Variants in TFF3 observed in about 807,000 individuals in gnomAD.
The protein encoded by TFF3 is trefoil factor 3.
TFF3 carries 6 observed loss-of-function variants against 9.7 expected under a neutral mutation model. The observed-to-expected ratio is 0.62, with a 90% CI of 0.34 to 1.22. The LOEUF is 1.22. Ranked by LOEUF, TFF3 falls within the 50% of genes most tolerant of loss-of-function variation. TFF3 has a pLI of 0.04. For missense variants in TFF3, 93 were observed against 98.6 expected (o/e 0.94, Z 0.24); for synonymous variants, 48 against 41.4 (o/e 1.16, Z -0.61).
rs1474181258 is a variant in TFF3, at chr21:42,313,009, GGA to G, written c.229+474_229+475del. Among the ~76,000 whole-genome samples, 5 of 152,130 alleles carry G rather than the reference GGA, an allele frequency of 3.3e-5. No homozygotes were observed. On this transcript the variant is annotated intron_variant, in intron 2 of 2. Coordinates refer to ENST00000518498, the MANE Select transcript of TFF3 (RefSeq NM_003226.4). This position sits in a 1 kb window ranked among gnomAD's most constrained non-coding sequence, Gnocchi z 4.0. ...CTGCCCTCCACCACGGCAGAGAGAG[GGA>G]GAGGAGATGACCCTTGTGGGGGGCA...
At chr21:42,314,393 C>T (rs2069347593) in intron 1 of TFF3, among the ~76,000 whole-genome samples, 2 of 152,232 alleles carry the variant, frequency 1.3e-5, no homozygotes, top group South Asian at 2.1e-4. Context: ...GTGGCTTACA[C>T]CTGTAATTCC....
At position 42,313,081 on chromosome 21, in the gene TFF3, C is replaced by G. The variant is rs932586263; in HGVS notation, c.229+404G>C. Among the ~76,000 whole-genome samples the G allele has an allele frequency of 6.6e-6, 1 of 152,124 alleles. No homozygotes were observed. Among genetic ancestry groups the G allele is most frequent in the Non-Finnish European group, 1.5e-5 (1 of 68,006 alleles). The stretch of plus-strand genomic sequence containing the variant: ...TGGCACCGAGGCCTGACGTCTAGGG[C>G]TGGGACCGCCTGCCGTCTGTGTAGG... On this transcript the variant is annotated intron_variant, in intron 2 of 2. Coordinates refer to ENST00000518498, the MANE Select transcript of TFF3 (RefSeq NM_003226.4). The surrounding 1 kb of genome is among the most constrained non-coding windows in gnomAD (Gnocchi z 4.0).
In TFF3 at chr21:42,311,718, G is replaced by A. The variant is rs1205644842; in HGVS notation, c.*538C>T. 1.5e-5 allele frequency: 3 copies of A among 194,352 alleles called. No homozygotes were observed. In the East Asian group the frequency reaches 4.7e-4, roughly 30 times the overall value. 12.0% of individuals were successfully genotyped at this position (194,352 alleles called of 1,614,324 possible). Reference sequence around the variant, plus strand: ...TACAAAGAAACAAAACCCAGGAATAGTACAAGTATTGAACAGTAGCGAGAG... The same window carrying A: ...TACAAAGAAACAAAACCCAGGAATAATACAAGTATTGAACAGTAGCGAGAG... On this transcript the variant is annotated 3_prime_UTR_variant, in exon 3 of 3. Coordinates refer to ENST00000518498, the MANE Select transcript of TFF3 (RefSeq NM_003226.4).
chr21:42,312,199 GC>G lies in TFF3; in HGVS notation c.*56del. On this transcript the variant is annotated 3_prime_UTR_variant, in exon 3 of 3. Transcript: ENST00000518498. ...TGAACAGTGCCTGGCAGCAATCACAGCCGGGCAAGGGTGCTCCGAGCCTCGC... is the reference window on the plus strand; with the variant it reads ...TGAACAGTGCCTGGCAGCAATCACAGCGGGCAAGGGTGCTCCGAGCCTCGC... 2 of 1,612,988 alleles carry G rather than the reference GC, an allele frequency of 1.2e-6. No individual in the cohort carries two copies. The highest frequency in any genetic ancestry group is 1.7e-6 in the Non-Finnish European group (2 of 1,179,116).
At chr21:42,312,381 A>G in intron 2 of TFF3, 112 bp from the exon 3 acceptor site, 1 of 1,309,632 alleles carries the variant, frequency 7.6e-7, no homozygotes. Flanking sequence ...TCCTCCCCAG[A>G]GTCACCGGGG....
At position 42,313,544 on chromosome 21, in the gene TFF3, C is replaced by G; in HGVS notation, c.170G>C (p.Cys57Ser). The change falls in exon 2 of 3, where the codon TGC becomes TCC. Residue 57 changes from cysteine (C) to serine (S), a missense_variant. Cys to Ser is a moderately radical substitution (Grantham distance 112). Coordinates refer to ENST00000518498, the MANE Select transcript of TFF3 (RefSeq NM_003226.4). This position sits in a 1 kb window ranked among gnomAD's most constrained non-coding sequence, Gnocchi z 4.0. The part of the protein sequence containing the change: ...VTPKECNNRG[C>S]CFDSRIPGVP... Reference sequence around the variant, plus strand: ...TCCAGGGATCCTGGAGTCAAAGCAGCAGCCCCGGTTGTTGCACTCCTTGGG... The same window carrying G: ...TCCAGGGATCCTGGAGTCAAAGCAGGAGCCCCGGTTGTTGCACTCCTTGGG... The G allele has an allele frequency of 6.2e-7, 1 of 1,610,904 alleles. No homozygotes were observed.
At position 42,313,344 on chromosome 21, in the gene TFF3, T is replaced by C; in HGVS notation, c.229+141A>G. 3 of 1,011,454 alleles carry C rather than the reference T, an allele frequency of 3.0e-6. No individual in the cohort carries two copies. The highest frequency in any genetic ancestry group is 4.2e-6 in the Non-Finnish European group (3 of 713,956). The allele number at this position is 1,011,454 out of a possible 1,614,324, so 62.7% of individuals were successfully genotyped here. On this transcript the variant is annotated intron_variant, in intron 2 of 2. Transcript: ENST00000518498. This position sits in a 1 kb window ranked among gnomAD's most constrained non-coding sequence, Gnocchi z 4.0. ...GCTGCCCTAAGTGTGAAGCCTCTGCTCTGAGGCCTTGGAACAGGTGTGTGT... is the reference window on the plus strand; with the variant it reads ...GCTGCCCTAAGTGTGAAGCCTCTGCCCTGAGGCCTTGGAACAGGTGTGTGT...
In TFF3 at chr21:42,313,485, C is replaced by A. The variant is rs758987563; in HGVS notation, c.229G>T (p.Glu77Ter). 1.2e-6 allele frequency: 2 copies of A among 1,607,326 alleles called. No homozygotes were observed. Among genetic ancestry groups the A allele is most frequent in the Non-Finnish European group, 1.7e-6 (2 of 1,177,686 alleles). Residue 77 changes from glutamate to a stop codon, truncating the protein, a stop_gained and splice_region_variant, in exon 2 of 3, where the codon GAA (glutamate) becomes TAA (stop). Coordinates refer to ENST00000518498, the MANE Select transcript of TFF3 (RefSeq NM_003226.4). LOFTEE classifies it high-confidence loss of function. This position sits in a 1 kb window ranked among gnomAD's most constrained non-coding sequence, Gnocchi z 4.0. ...PWCFKPLQEAECTF is the reference protein window; with the variant it reads ...PWCFKPLQEA ...GACCACGATGCCACTGGGGCCTTAC[C>A]TGCTTCCTGCAGGGGCTTGAAACAC...
intron 1 of TFF3, among the ~76,000 whole-genome samples, chr21:42,314,419 C>A (rs1034318618): frequency 6.6e-6 from 1 of 152,074 alleles, no homozygotes; most frequent in Admixed American, 6.6e-5. Flanking sequence ...TTTGGGAGGC[C>A]AAGGCAGGAG....
rs1242715136 is a variant in TFF3, at chr21:42,313,241, T to A, written c.229+244A>T. The stretch of plus-strand genomic sequence containing the variant: ...AATCAGTTCCCTCTATGCGATGCCA[T>A]CATTTTGAACACCTTTTTGAAACAA... On this transcript the variant is annotated intron_variant, in intron 2 of 2. Transcript: ENST00000518498. This position sits in a 1 kb window ranked among gnomAD's most constrained non-coding sequence, Gnocchi z 4.0. 6.6e-6 allele frequency among the ~76,000 whole-genome samples: 1 copy of A among 152,186 alleles called. No homozygotes were observed. Among genetic ancestry groups the A allele is most frequent in the Non-Finnish European group, 1.5e-5 (1 of 68,024 alleles).
At position 42,313,331 on chromosome 21, in the gene TFF3, G is replaced by A. The variant is rs573664652; in HGVS notation, c.229+154C>T. ...GCCCCTGGCCATGGCTGCCCTAAGTGTGAAGCCTCTGCTCTGAGGCCTTGG... is the reference window on the plus strand; with the variant it reads ...GCCCCTGGCCATGGCTGCCCTAAGTATGAAGCCTCTGCTCTGAGGCCTTGG... On this transcript the variant is annotated intron_variant, in intron 2 of 2. Transcript: ENST00000518498. This position sits in a 1 kb window ranked among gnomAD's most constrained non-coding sequence, Gnocchi z 4.0. Among the ~76,000 whole-genome samples, 2 of 152,316 alleles carry A rather than the reference G, an allele frequency of 1.3e-5. No individual in the cohort carries two copies. Among genetic ancestry groups the A allele is most frequent in the Admixed American group, 6.5e-5 (1 of 15,306 alleles).
chr21:42,313,348 A>T lies in TFF3; in HGVS notation c.229+137T>A. On this transcript the variant is annotated intron_variant, in intron 2 of 2. Coordinates refer to ENST00000518498, the MANE Select transcript of TFF3 (RefSeq NM_003226.4). This position sits in a 1 kb window ranked among gnomAD's most constrained non-coding sequence, Gnocchi z 4.0. ...CCCTAAGTGTGAAGCCTCTGCTCTGAGGCCTTGGAACAGGTGTGTGTGTGT... is the reference window on the plus strand; with the variant it reads ...CCCTAAGTGTGAAGCCTCTGCTCTGTGGCCTTGGAACAGGTGTGTGTGTGT... 1 of 1,044,172 alleles carries T rather than the reference A, an allele frequency of 9.6e-7. No homozygotes were observed. Among genetic ancestry groups the T allele is most frequent in the Non-Finnish European group, 1.3e-6 (1 of 742,586 alleles). 64.7% of individuals were successfully genotyped at this position (1,044,172 alleles called of 1,614,324 possible). A position where few individuals can be genotyped will look rare whatever the true frequency, so the allele number is the denominator to read the frequency against.
intron 1 of TFF3, 24 bp downstream of exon 1, chr21:42,315,269 C>A (rs1180999982): frequency 1.2e-6 from 2 of 1,600,484 alleles, no homozygotes; most frequent in African/African-American, 2.7e-5. Flanking sequence ...ACCCTGCCAC[C>A]GGGGCAGTCA....
At position 42,313,569 on chromosome 21, in the gene TFF3, G is replaced by C; in HGVS notation, c.145C>G (p.Pro49Ala). The C allele has an allele frequency of 2.5e-6, 4 of 1,611,290 alleles. No homozygotes were observed. The highest frequency in any genetic ancestry group is 3.4e-6 in the Non-Finnish European group (4 of 1,179,610). The change falls in exon 2 of 3, where the codon CCC becomes GCC. Residue 49 changes from proline (P) to alanine (A), a missense_variant. By Grantham distance (27) the Pro-to-Ala change is conservative. Coordinates refer to ENST00000518498, the MANE Select transcript of TFF3 (RefSeq NM_003226.4). This position sits in a 1 kb window ranked among gnomAD's most constrained non-coding sequence, Gnocchi z 4.0. ...CAGCCCCGGTTGTTGCACTCCTTGG[G>C]GGTGACATGGGGGTAGCCGCAGTCC... ...RVDCGYPHVT[P>A]KECNNRGCCF... is the part of the protein sequence containing the mutation.
In TFF3 at chr21:42,312,216, C is replaced by G. The variant is rs369914568; in HGVS notation, c.*40G>C. On this transcript the variant is annotated 3_prime_UTR_variant, in exon 3 of 3. Transcript: ENST00000518498. ...CAATCACAGCCGGGCAAGGGTGCTCCGAGCCTCGCATCCCCCGGCCGGGGG... is the reference window on the plus strand; with the variant it reads ...CAATCACAGCCGGGCAAGGGTGCTCGGAGCCTCGCATCCCCCGGCCGGGGG... 2 of 1,613,900 alleles carry G rather than the reference C, an allele frequency of 1.2e-6. No homozygotes were observed. The highest frequency in any genetic ancestry group is 1.7e-6 in the Non-Finnish European group (2 of 1,179,926).
At chr21:42,314,556 G>A (rs1374899844) in intron 1 of TFF3, among the ~76,000 whole-genome samples, 1 of 152,198 alleles carries the variant, frequency 6.6e-6, no homozygotes, top group Non-Finnish European at 1.5e-5. Flanking sequence ...TTGAAGCCGA[G>A]GCACAAGAAT....
At chr21:42,314,343 G>C (rs916571176) in intron 1 of TFF3, among the ~76,000 whole-genome samples, 2 of 152,212 alleles carry the variant, frequency 1.3e-5, no homozygotes, top group African/African-American at 4.8e-5. Context: ...ACTGGAATCA[G>C]CTGCAGAGCT....
At position 42,313,752 on chromosome 21, in the gene TFF3, G is replaced by T; in HGVS notation, c.83-121C>A. On this transcript the variant is annotated intron_variant, in intron 1 of 2. Transcript: ENST00000518498. This position sits in a 1 kb window ranked among gnomAD's most constrained non-coding sequence, Gnocchi z 4.0. ...CCCCACCCCGCCGAGTTCAACCACT[G>T]CTGAAACCCTCGCCCTTAGGAAGAT... The T allele has an allele frequency of 8.5e-7, 1 of 1,171,820 alleles. No individual in the cohort carries two copies. Among genetic ancestry groups the T allele is most frequent in the Non-Finnish European group, 1.2e-6 (1 of 859,062 alleles). The allele number at this position is 1,171,820 out of a possible 1,614,324, so 72.6% of individuals were successfully genotyped here.
At chr21:42,314,448 GT>G (rs2069347859) in intron 1 of TFF3, among the ~76,000 whole-genome samples, 1 of 152,310 alleles carries the variant, frequency 6.6e-6, no homozygotes, top group African/African-American at 2.4e-5. Flanking sequence ...GAGGCCAGGA[GT>G]TTGAGACCAG....
Sources: allele counts gnomAD v4.1 joint callset (sites outside exome capture counted in the v4.1 genomes callset), GRCh38; gene constraint gnomAD v4.1.1; non-coding constraint Gnocchi (gnomAD v3.1); transcripts MANE v1.5; gene names NCBI Gene and HGNC (gene_info 2026-07-23, HGNC 2026-07-21).